NEBL: variants seen among roughly 807,000 people sequenced by gnomAD.
NEBL encodes LIM and SH3 protein 2.
Under a neutral mutation model 140.2 loss-of-function variants are expected in NEBL, and 122 were observed. The observed-to-expected ratio is 0.87, with a 90% CI of 0.75 to 1.01. The LOEUF (loss-of-function observed/expected upper bound fraction) is 1.01. Among genes scored for constraint, NEBL ranks in the 50% least tolerant of loss-of-function variants. The probability of loss-of-function intolerance (pLI) is 0.00; values close to 1 mark genes in which losing one functional copy is unlikely to be tolerated. For synonymous variants in NEBL, 436 were observed against 398.9 expected (o/e 1.09, Z -1.11); for missense variants, 1,365 against 1,231.3 (o/e 1.11, Z -1.62).
intron 26 of NEBL, among the ~76,000 whole-genome samples, chr10:20,790,549 C>T (rs535963168): frequency 4.7e-5 from 7 of 149,622 alleles, no homozygotes; most frequent in East Asian, 2.0e-4. Flanking sequence ...TGCAATGAAC[C>T]GAGATCATGC....
At chr10:20,946,743 G>T (rs1392463966) in intron 4 of NEBL, among the ~76,000 whole-genome samples, 1 of 152,174 alleles carries the variant, frequency 6.6e-6, no homozygotes, top group Non-Finnish European at 1.5e-5. Flanking sequence ...TCTATCAACT[G>T]TTTTGTATGT....
intron 11 of NEBL, among the ~76,000 whole-genome samples, chr10:20,847,533 G>A (rs1414324558): frequency 2.0e-5 from 3 of 151,938 alleles, no homozygotes; most frequent in Non-Finnish European, 4.4e-5. Context: ...TCCACAGAAG[G>A]AAATAAGAAA....
chr10:21,100,110 A>G (rs1385021924), intron 2 of NEBL, among the ~76,000 whole-genome samples: 2 of 152,066 alleles, frequency 1.3e-5, no homozygotes, highest in African/African-American at 4.8e-5. Context: ...TCAGTCAAAA[A>G]CTTCCATTTC....
rs558440277 is a variant in NEBL at position 21,197,619 on chromosome 10, T to C, written n.349-25142A>G. 2.6e-5 allele frequency among the ~76,000 whole-genome samples: 4 copies of C among 152,284 alleles called. No homozygotes were observed. The South Asian group carries it at 8.3e-4, about 32-fold the overall frequency. ...AGCACACTCAGCATTGATCACAAGG[T>C]CAGCCTTCTCTCTGGCCTCCTTCCT... On this transcript the variant is annotated intron_variant and non_coding_transcript_variant, in intron 3 of 8. Transcript: ENST00000675702.
intron 26 of NEBL, among the ~76,000 whole-genome samples, chr10:20,789,615 A>T (rs1835746472): frequency 6.6e-6 from 1 of 152,294 alleles, no homozygotes; most frequent in African/African-American, 2.4e-5. Flanking sequence ...TGGAAGTCCA[A>T]AGCAGGAGGA....
Position 20,813,977 on chromosome 10 carries a change from T to C in NEBL, c.2308A>G (p.Met770Val), listed in dbSNP as rs745738658. The change falls in exon 23 of 28, where the codon ATG becomes GTG. Residue 770 changes from methionine (M) to valine (V), a missense_variant. Coordinates refer to ENST00000377122, the MANE Select transcript of NEBL (RefSeq NM_006393.3). ...RPSLILDTPA[M>V]RHVKEAQNHI... ...TTTTGTGCTTCTTTAACATGTCTCA[T>C]AGCAGGTGTATCTAAAATCAGACTT... The C allele has an allele frequency of 2.5e-5, 41 of 1,610,456 alleles. No individual in the cohort carries two copies. Among genetic ancestry groups the C allele is most frequent in the Non-Finnish European group, 3.3e-5 (39 of 1,176,780 alleles).
In NEBL at chr10:20,836,220, G is replaced by A. The variant is rs115804934; in HGVS notation, c.1339-597C>T. 7.9e-3 allele frequency among the ~76,000 whole-genome samples: 1,200 copies of A among 152,002 alleles called. 7 individuals carry two copies. The highest frequency in any genetic ancestry group is 0.027 in the African/African-American group (1,121 of 41,452). ...ATATTTCAAACTGTTATGGTGCTTT[G>A]TGATCAGTGATTTTTTTGTTTTGAC... On this transcript the variant is annotated intron_variant, in intron 13 of 27. Coordinates refer to ENST00000377122, the MANE Select transcript of NEBL (RefSeq NM_006393.3).
In NEBL at chr10:20,828,521, G is replaced by C; in HGVS notation, c.1776+9C>G. 2 of 1,530,284 alleles carry C rather than the reference G, an allele frequency of 1.3e-6. No homozygotes were observed. The highest frequency in any genetic ancestry group is 1.8e-6 in the Non-Finnish European group (2 of 1,104,288). 94.8% of individuals were successfully genotyped at this position (1,530,284 alleles called of 1,614,324 possible). A position where few individuals can be genotyped will look rare whatever the true frequency, so the allele number is the denominator to read the frequency against. On this transcript the variant is annotated intron_variant, in intron 17 of 27. Transcript: ENST00000377122. ...AGGTGGCAACTTAAAAGAAGTAATG[G>C]CTACTCACCGCACTAATGTTTTGTT...
At chr10:20,812,233 T>C (rs539634213) in intron 24 of NEBL, among the ~76,000 whole-genome samples, 1 of 152,172 alleles carries the variant, frequency 6.6e-6, no homozygotes, top group East Asian at 1.9e-4. Flanking sequence ...TATTTTGTTT[T>C]TCTTTTTAAA....
chr10:21,282,817 T>C (rs1843008875), intron 1 of NEBL, among the ~76,000 whole-genome samples: 1 of 151,980 alleles, frequency 6.6e-6, no homozygotes, highest in African/African-American at 2.4e-5. Flanking sequence ...CATAAAGATA[T>C]TGCTGATTAA....
At chr10:20,968,762 G>A (rs1475436311) in intron 3 of NEBL, among the ~76,000 whole-genome samples, 1 of 152,144 alleles carries the variant, frequency 6.6e-6, no homozygotes, top group African/African-American at 2.4e-5. Flanking sequence ...CTGATACAAT[G>A]AAATCCATGA....
intron 2 of NEBL, among the ~76,000 whole-genome samples, chr10:21,034,328 T>C (rs1833929661): frequency 6.6e-6 from 1 of 151,716 alleles, no homozygotes. Flanking sequence ...ACAATAAAAA[T>C]AACAAGAACA....
chr10:21,214,657 ATTG>A (rs1262795867), intron 3 of NEBL, among the ~76,000 whole-genome samples: 2 of 151,464 alleles, frequency 1.3e-5, no homozygotes, highest in Non-Finnish European at 3.0e-5. Context: ...CACATGCAAG[ATTG>A]TTGGGTACAG....
intron 10 of NEBL, 102 bp downstream of exon 10, chr10:20,852,443 A>G: frequency 1.3e-6 from 1 of 782,380 alleles, no homozygotes; most frequent in Non-Finnish European, 2.3e-6. Context: ...CTTTTCTGCA[A>G]CTGTACTTTC....
At chr10:21,076,566 G>GTCA (rs1163317195) in intron 2 of NEBL, among the ~76,000 whole-genome samples, 1 of 151,262 alleles carries the variant, frequency 6.6e-6, no homozygotes, top group Non-Finnish European at 1.5e-5. Flanking sequence ...TACATCCATG[G>GTCA]TCATAGCAGC....
chr10:21,133,197 C>T (rs1255172623), intron 2 of NEBL, among the ~76,000 whole-genome samples: 1 of 152,166 alleles, frequency 6.6e-6, no homozygotes, highest in Non-Finnish European at 1.5e-5. Flanking sequence ...TTTTGTGACA[C>T]TTTCAATTTG....
intron 23 of NEBL, among the ~76,000 whole-genome samples, chr10:20,813,402 A>G (rs1347992509): frequency 1.3e-5 from 2 of 152,088 alleles, no homozygotes; most frequent in African/African-American, 4.8e-5. Flanking sequence ...CACTTTTAAT[A>G]TAATTACAAA....
At chr10:21,178,465 C>T (rs144525893), upstream of NEBL, among the ~76,000 whole-genome samples, 1,342 of 152,218 alleles carry the variant, frequency 8.8e-3, 10 homozygotes, top group Non-Finnish European at 0.014. Context: ...TAATTCACAC[C>T]GGGAAGTCAG....
intron 2 of NEBL, among the ~76,000 whole-genome samples, chr10:21,088,417 A>C (rs999912443): frequency 2.6e-5 from 4 of 152,064 alleles, no homozygotes; most frequent in Admixed American, 2.6e-4. Flanking sequence ...CCAGGAGTTC[A>C]AGGCTGTAGT....
Sources: allele counts gnomAD v4.1 joint callset (sites outside exome capture counted in the v4.1 genomes callset), GRCh38; gene constraint gnomAD v4.1.1; transcripts MANE v1.5; gene names NCBI Gene and HGNC (gene_info 2026-07-23, HGNC 2026-07-21).